The following TUT4 variants were observed in gnomAD, a reference collection of about 807,000 sequenced individuals.
The protein encoded by TUT4 is terminal uridylyltransferase 4.
TUT4 carries 36 observed loss-of-function variants against 192.2 expected under a neutral mutation model. The observed-to-expected ratio is 0.19, with a 90% CI of 0.14 to 0.25. The LOEUF is 0.25. Ranked by LOEUF, TUT4 falls within the 10% of genes least tolerant of loss-of-function variation. TUT4 has a pLI of 1.00. For synonymous variants in TUT4, 618 were observed against 666.0 expected (o/e 0.93, Z 1.11); for missense variants, 1,493 against 1,957.2 (o/e 0.76, Z 4.47).
intron 1 of TUT4, among the ~76,000 whole-genome samples, chr1:52,545,168 G>C (rs1159122660): frequency 6.6e-6 from 1 of 152,030 alleles, no homozygotes; most frequent in Non-Finnish European, 1.5e-5. Flanking sequence ...TTGAGGTCAG[G>C]AGTTCAAGAC....
chr1:52,503,870 TA>T (rs1175416326), intron 4 of TUT4, among the ~76,000 whole-genome samples: 2 of 152,210 alleles, frequency 1.3e-5, no homozygotes, highest in Admixed American at 6.5e-5. Flanking sequence ...ACTAGTCCCT[TA>T]AATGTTTGTA....
At chr1:52,461,386 T>C in intron 18 of TUT4, 127 bp downstream of exon 18, 1 of 1,121,662 alleles carries the variant, frequency 8.9e-7, no homozygotes, top group East Asian at 2.6e-5. Flanking sequence ...CTGAAGGAAC[T>C]ATCAAGATAA....
At chr1:52,513,673 A>G (rs1017806311) in intron 3 of TUT4, among the ~76,000 whole-genome samples, 3 of 152,106 alleles carry the variant, frequency 2.0e-5, no homozygotes, top group Admixed American at 6.5e-5. Flanking sequence ...TCAAATACCT[A>G]TTGCATCCCA....
intron 28 of TUT4, among the ~76,000 whole-genome samples, chr1:52,426,787 T>C (rs1447650548): frequency 1.3e-5 from 2 of 152,174 alleles, no homozygotes; most frequent in African/African-American, 4.8e-5. Flanking sequence ...TTAAAAGATA[T>C]ATTCCAATCC....
At chr1:52,510,528 G>A (rs1676874507) in intron 3 of TUT4, among the ~76,000 whole-genome samples, 2 of 152,096 alleles carry the variant, frequency 1.3e-5, no homozygotes, top group Non-Finnish European at 2.9e-5. Context: ...TCCAATCACA[G>A]TATCATGGGG....
At chr1:52,426,353 C>T (rs1258575823) in intron 28 of TUT4, among the ~76,000 whole-genome samples, 2 of 152,200 alleles carry the variant, frequency 1.3e-5, no homozygotes, top group African/African-American at 2.4e-5. Flanking sequence ...TTATGGCTAA[C>T]TATCCCCCCA....
At chr1:52,446,161 T>C in intron 22 of TUT4, 104 bp downstream of exon 22, 2 of 1,380,552 alleles carry the variant, frequency 1.4e-6, no homozygotes, top group Admixed American at 2.2e-5. Context: ...GGAAAACTGA[T>C]AAAAGAGGAA....
In TUT4 at chr1:52,516,070, A is replaced by G; in HGVS notation, c.719-16T>C. 7 of 1,608,378 alleles carry G rather than the reference A, an allele frequency of 4.4e-6. No individual in the cohort carries two copies. The highest frequency in any genetic ancestry group is 6.0e-6 in the Non-Finnish European group (7 of 1,175,846). ...TTCATTTTACCTAGAAAAGAAAGCA[A>G]TCACTCAGTTATCATCAGAACTGGT... On this transcript the variant is annotated splice_polypyrimidine_tract_variant and intron_variant, in intron 2 of 29. Coordinates refer to ENST00000257177, the MANE Select transcript of TUT4 (RefSeq NM_001009881.3).
At chr1:52,519,831 T>TA (rs940616733) in intron 2 of TUT4, among the ~76,000 whole-genome samples, 6 of 151,748 alleles carry the variant, frequency 4.0e-5, no homozygotes, top group Admixed American at 2.6e-4. Context: ...ATTTTTTAAA[T>TA]AAAAAAAATT....
At chr1:52,502,609 C>CTTTTTTTTTTTTTTTTTTTTTTTTTTTT (rs919559320) in intron 4 of TUT4, among the ~76,000 whole-genome samples, 1 of 82,130 alleles carries the variant, frequency 1.2e-5, no homozygotes, top group Non-Finnish European at 2.1e-5. Context: ...TCTTAGCCCT[C>CTTTTTTTTTTTTTTTTTTTTTTTTTTTT]TTTTTTTTTT....
rs780095750 is a variant in TUT4, at chr1:52,465,022, G to A, written c.3069+48C>T. ...CACATACAAAAATAAACATAGAATC[G>A]TCATTGGGAGAAAATAAACTTACAT... On this transcript the variant is annotated intron_variant, in intron 16 of 29. Coordinates refer to ENST00000257177, the MANE Select transcript of TUT4 (RefSeq NM_001009881.3). The A allele has an allele frequency of 4.1e-5, 58 of 1,416,264 alleles. 1 individual carries two copies. Among genetic ancestry groups the A allele is most frequent in the South Asian group, 2.4e-4 (18 of 76,144 alleles). 87.7% of individuals were successfully genotyped at this position (1,416,264 alleles called of 1,614,324 possible). A position where few individuals can be genotyped will look rare whatever the true frequency, so the allele number is the denominator to read the frequency against.
At chr1:52,530,999 G>C (rs1392143558) in intron 1 of TUT4, among the ~76,000 whole-genome samples, 3 of 151,936 alleles carry the variant, frequency 2.0e-5, no homozygotes, top group African/African-American at 7.3e-5. Context: ...GCCAGAACTT[G>C]TCTCAAAAAA....
At chr1:52,495,688 C>A (rs1433222535) in intron 5 of TUT4, among the ~76,000 whole-genome samples, 173 bp from the exon 6 acceptor site, 1 of 152,024 alleles carries the variant, frequency 6.6e-6, no homozygotes, top group Non-Finnish European at 1.5e-5. Context: ...AAAAATGGTT[C>A]CCAGTTATGG....
Position 52,497,096 on chromosome 1 carries a change from C to A in TUT4, c.1087G>T (p.Ala363Ser), listed in dbSNP as rs763459321. The change falls in exon 5 of 30, where the codon GCA (alanine) becomes TCA (serine). Residue 363 changes from alanine to serine, a missense_variant. Ala to Ser is a moderately conservative substitution (Grantham distance 99, BLOSUM62 1). Coordinates refer to ENST00000257177, the MANE Select transcript of TUT4 (RefSeq NM_001009881.3). ...AALSVAVIEL[A>S]KEHGITDDDL... ...TCATCTGTTATTCCATGTTCTTTTGCTAATTCAATGACTGCAACACTTAAA... is the reference window on the plus strand; with the variant it reads ...TCATCTGTTATTCCATGTTCTTTTGATAATTCAATGACTGCAACACTTAAA... The A allele has an allele frequency of 3.7e-6, 6 of 1,613,930 alleles. No homozygotes were observed. Among genetic ancestry groups the A allele is most frequent in the East Asian group, 4.5e-5 (2 of 44,856 alleles).
At chr1:52,484,204 A>G (rs1161517522) in intron 9 of TUT4, among the ~76,000 whole-genome samples, 1 of 152,112 alleles carries the variant, frequency 6.6e-6, no homozygotes, top group East Asian at 1.9e-4. Flanking sequence ...ACAGAGTGAG[A>G]CTCTGTCTCT....
At chr1:52,537,782 G>C (rs529321456) in intron 1 of TUT4, among the ~76,000 whole-genome samples, 5 of 151,954 alleles carry the variant, frequency 3.3e-5, no homozygotes, top group Non-Finnish European at 7.4e-5. Flanking sequence ...GCATGGTGGC[G>C]CGTGCCTGTA....
Position 52,475,409 on chromosome 1 carries a change from T to C in TUT4, c.2150A>G (p.Lys717Arg), listed in dbSNP as rs1323858091. ...FACPQTKGGN[K>R]STVDFKKREK... is the part of the protein sequence containing the mutation. ...TCTTTTCTTGAAATCCACTGTAGAC[T>C]TATTTCCACCCTTCGTCTGAGGACA... The change falls in exon 13 of 30, where the codon AAG (lysine) becomes AGG (arginine). Residue 717 changes from lysine (K) to arginine (R), a missense_variant. Lys to Arg is a conservative substitution (Grantham distance 26). Transcript: ENST00000257177. 1 of 1,614,122 alleles carries C rather than the reference T, an allele frequency of 6.2e-7. No individual in the cohort carries two copies. The highest frequency in any genetic ancestry group is 2.2e-5 in the East Asian group (1 of 44,880).
chr1:52,424,036 G>C (rs1305821732), intron 29 of TUT4, 34 bp from the exon 30 acceptor site: 1 of 1,585,408 alleles, frequency 6.3e-7, no homozygotes, highest in Non-Finnish European at 8.6e-7. Context: ...AAACTGAAAG[G>C]CTTGTGCCTG....
At chr1:52,530,312 T>A (rs1466795370) in intron 1 of TUT4, among the ~76,000 whole-genome samples, 2 of 150,890 alleles carry the variant, frequency 1.3e-5, no homozygotes, top group African/African-American at 4.9e-5. Context: ...TGAAAAAGAC[T>A]GTATTTTCTC....
Sources: allele counts gnomAD v4.1 joint callset (sites outside exome capture counted in the v4.1 genomes callset), GRCh38; gene constraint gnomAD v4.1.1; transcripts MANE v1.5; gene names NCBI Gene and HGNC (gene_info 2026-07-23, HGNC 2026-07-21).